Variants in SOHLH1 observed in about 807,000 individuals in gnomAD.
SOHLH1 encodes spermatogenesis and oogenesis specific basic helix-loop-helix 1.
In SOHLH1, 23 loss-of-function variants were observed where a neutral mutation model predicts 36.2. The observed-to-expected ratio is 0.64, with a 90% CI of 0.46 to 0.90. SOHLH1 has a LOEUF of 0.90. Among genes scored for constraint, SOHLH1 ranks in the 40% least tolerant of loss-of-function variants. The probability of loss-of-function intolerance (pLI) is 0.00; values close to 1 mark genes in which losing one functional copy is unlikely to be tolerated. For missense variants in SOHLH1, 608 were observed against 517.0 expected (o/e 1.18, Z -1.71); for synonymous variants, 289 against 228.3 (o/e 1.27, Z -2.40).
intron 7 of SOHLH1, 43 bp downstream of exon 7, chr9:135,694,344 G>C (rs1305201669): frequency 1.2e-5 from 19 of 1,612,070 alleles, no homozygotes; most frequent in Non-Finnish European, 1.6e-5. Flanking sequence ...CATATCAGGT[G>C]CTTACGCGGG....
At chr9:135,697,687 C>T (rs1221259715) in intron 3 of SOHLH1, 60 bp from the exon 4 acceptor site, 1 of 1,576,792 alleles carries the variant, frequency 6.3e-7, no homozygotes, top group Non-Finnish European at 8.6e-7. Context: ...AAACCCAAGA[C>T]ACGGTGACAA....
In SOHLH1 at chr9:135,697,557, T is replaced by C. The variant is rs781520169; in HGVS notation, c.416A>G (p.Gln139Arg). The C allele has an allele frequency of 6.2e-7, 1 of 1,612,754 alleles. No individual in the cohort carries two copies. Among genetic ancestry groups the C allele is most frequent in the Non-Finnish European group, 8.5e-7 (1 of 1,179,794 alleles). The change falls in exon 4 of 8, where the codon CAG (glutamine) becomes CGG (arginine). Residue 139 changes from glutamine to arginine, a missense_variant. Transcript: ENST00000425225. ...AGGGTCTGGCACACCTGCTTGAATCTGACTCGACAACGTCAACTGTAAAAC... is the reference window on the plus strand; with the variant it reads ...AGGGTCTGGCACACCTGCTTGAATCCGACTCGACAACGTCAACTGTAAAAC... ...EDVLQLTLSS[Q>R]IQAGVPDPGT... is the part of the protein sequence containing the mutation.
intron 3 of SOHLH1, 61 bp downstream of exon 3, chr9:135,698,268 T>C: frequency 1.4e-5 from 22 of 1,605,494 alleles, no homozygotes; most frequent in Non-Finnish European, 1.8e-5. Flanking sequence ...GCCTGCAAGG[T>C]GGTGAGATGT....
At chr9:135,700,476 T>C (rs1179860500), upstream of SOHLH1, among the ~76,000 whole-genome samples, 17 of 150,416 alleles carry the variant, frequency 1.1e-4, no homozygotes, top group African/African-American at 4.2e-4. Flanking sequence ...TGGGAGGACA[T>C]CCCTGGCCTG....
At chr9:135,700,545 A>G (rs1164356817), upstream of SOHLH1, among the ~76,000 whole-genome samples, 1 of 151,760 alleles carries the variant, frequency 6.6e-6, no homozygotes, top group Non-Finnish European at 1.5e-5. Flanking sequence ...TCTCCTCCCG[A>G]GAGGGGAGGC....
At chr9:135,694,213 A>G (rs1834700302) in intron 7 of SOHLH1, 174 bp downstream of exon 7, 4 of 1,459,604 alleles carry the variant, frequency 2.7e-6, no homozygotes, top group East Asian at 5.0e-5. Context: ...CATATCACCT[A>G]TAACGCTCAA....
chr9:135,693,571 C>A lies in SOHLH1; in HGVS notation c.*26G>T. The A allele has an allele frequency of 6.5e-7, 1 of 1,540,344 alleles. No individual in the cohort carries two copies. Reference sequence around the variant, plus strand: ...CACGGCTCCAGATCCACCGGCCCCGCCCGCCTCCTCTCCACAGCCTGGCTG... The same window carrying A: ...CACGGCTCCAGATCCACCGGCCCCGACCGCCTCCTCTCCACAGCCTGGCTG... On this transcript the variant is annotated 3_prime_UTR_variant, in exon 8 of 8. Coordinates refer to ENST00000425225, the MANE Select transcript of SOHLH1 (RefSeq NM_001101677.2).
At chr9:135,700,061 A>G (rs1171297982), upstream of SOHLH1, among the ~76,000 whole-genome samples, 2 of 152,032 alleles carry the variant, frequency 1.3e-5, no homozygotes, top group Non-Finnish European at 2.9e-5. Flanking sequence ...AACCAGGGGC[A>G]TCTTGTCCCC....
chr9:135,694,197 C>T (rs1284318285), intron 7 of SOHLH1, 190 bp downstream of exon 7: 62 of 1,443,802 alleles, frequency 4.3e-5, no homozygotes, highest in Non-Finnish European at 5.5e-5. Context: ...TTCACTCACA[C>T]ACTCACATAT....
chr9:135,693,920 T>C, intron 7 of SOHLH1, 106 bp from the exon 8 acceptor site: 4 of 1,463,714 alleles, frequency 2.7e-6, no homozygotes, highest in Non-Finnish European at 3.6e-6. Flanking sequence ...CCGTCTGCCC[T>C]GCCCTGTCCC....
intron 3 of SOHLH1, 67 bp downstream of exon 3, chr9:135,698,262 G>A: frequency 1.2e-6 from 2 of 1,600,464 alleles, no homozygotes; most frequent in Admixed American, 1.7e-5. Flanking sequence ...CACACTGCCT[G>A]CAAGGTGGTG....
chr9:135,697,100 G>C (rs991069027), intron 4 of SOHLH1, among the ~76,000 whole-genome samples: 3 of 152,236 alleles, frequency 2.0e-5, no homozygotes, highest in Non-Finnish European at 4.4e-5. Context: ...ACAAGATGCA[G>C]ACAGTCCTTC....
intron 7 of SOHLH1, chr9:135,694,084 G>A (rs1029931477): frequency 6.0e-5 from 85 of 1,426,922 alleles, no homozygotes; most frequent in Non-Finnish European, 7.0e-5. Context: ...CACCTTTGCC[G>A]GCCAGCACGG....
Position 135,693,799 on chromosome 9 carries a change from C to A in SOHLH1, c.962G>T (p.Arg321Leu). The A allele has an allele frequency of 2.5e-6, 4 of 1,574,554 alleles. No homozygotes were observed. Among genetic ancestry groups the A allele is most frequent in the Non-Finnish European group, 3.4e-6 (4 of 1,159,866 alleles). ...GGCCCATGCAGGGCCACTGCCTCCT[C>A]GACCCTCCAGAGACCCTGGAAGCAA... ...PSSWPGSLEG[R>L]GGSGPAWAPA... The change falls in exon 8 of 8, where the codon CGA (arginine) becomes CTA (leucine). Residue 321 changes from arginine (R) to leucine (L), a missense_variant. Physicochemically the swap from Arg to Leu is moderately radical, Grantham distance 102. Coordinates refer to ENST00000425225, the MANE Select transcript of SOHLH1 (RefSeq NM_001101677.2).
intron 5 of SOHLH1, among the ~76,000 whole-genome samples, chr9:135,695,738 T>G (rs184052851): frequency 6.6e-6 from 1 of 152,240 alleles, no homozygotes; most frequent in Non-Finnish European, 1.5e-5. Flanking sequence ...TCATGGCACC[T>G]GGCGACTTCC....
chr9:135,701,082 CA>C (rs1439925550), upstream of SOHLH1, among the ~76,000 whole-genome samples: 3 of 152,266 alleles, frequency 2.0e-5, no homozygotes, highest in African/African-American at 7.2e-5. Flanking sequence ...GGCACCCGCC[CA>C]GGGGTGGTGG....
chr9:135,693,843 G>A, intron 7 of SOHLH1, 29 bp from the exon 8 acceptor site: 1 of 1,529,282 alleles, frequency 6.5e-7, no homozygotes, highest in Non-Finnish European at 8.8e-7. Context: ...CATCGGCAGG[G>A]CAGGCAGGTG....
rs765938894 is a variant in SOHLH1 at position 135,693,707 on chromosome 9, G to A, written c.1054C>T (p.Gln352Ter). The A allele has an allele frequency of 2.5e-6, 4 of 1,575,180 alleles. No individual in the cohort carries two copies. Among genetic ancestry groups the A allele is most frequent in the African/African-American group, 1.4e-5 (1 of 73,846 alleles). ...GFLGDPELGS[Q>*]ELQDSPLEPW... ...TCCAGAGGGCTGTCCTGGAGCTCCT[G>A]GGAGCCAAGCTCAGGGTCCCCTAGG... Residue 352 changes from glutamine to a stop codon, truncating the protein, a stop_gained, in exon 8 of 8, where the codon CAG becomes TAG. Coordinates refer to ENST00000425225, the MANE Select transcript of SOHLH1 (RefSeq NM_001101677.2). LOFTEE classifies it low-confidence loss of function (END_TRUNC).
Position 135,696,841 on chromosome 9 carries a change from T to C in SOHLH1, c.468-36A>G, listed in dbSNP as rs1269984519. The C allele has an allele frequency of 7.5e-6, 12 of 1,609,594 alleles. No homozygotes were observed. The South Asian group carries it at 8.8e-5, about 12-fold the overall frequency. ...CAACATGACAAGGATCCTGGGTCTA[T>C]TCCCCAGCCCCCTGGAAGGCTGCCC... On this transcript the variant is annotated intron_variant, in intron 4 of 7. Coordinates refer to ENST00000425225, the MANE Select transcript of SOHLH1 (RefSeq NM_001101677.2).
Sources: gnomAD v4.1 joint callset for allele counts (sites outside exome capture counted in the v4.1 genomes callset) on GRCh38, gnomAD v4.1.1 for gene constraint, MANE v1.5 for transcripts, NCBI Gene and HGNC (gene_info 2026-07-23, HGNC 2026-07-21) for gene names.